Variants in CRB1 observed in about 807,000 individuals in gnomAD.
CRB1 encodes the protein crumbs cell polarity complex component 1, also known as protein crumbs homolog 1.
Under a neutral mutation model 120.0 loss-of-function variants are expected in CRB1, and 83 were observed. That is an observed-to-expected ratio of 0.69 (90% confidence interval 0.58 to 0.83). CRB1 has a LOEUF of 0.83. Ranked by LOEUF, CRB1 falls within the 40% of genes least tolerant of loss-of-function variation. The pLI, the probability that CRB1 is intolerant of heterozygous loss-of-function variation, is 0.00. For synonymous variants in CRB1, 625 were observed against 612.5 expected, an observed-to-expected ratio of 1.02 and a Z score of -0.30; for missense variants, 1,699 against 1,687.6, an observed-to-expected ratio of 1.01 and a Z score of -0.12.
At chr1:197,239,607 T>C in the CRB1 span, among the ~76,000 whole-genome samples, 1 of 151,948 alleles carries the variant, frequency 6.6e-6, no homozygotes, top group East Asian at 1.9e-4. Context: ...AGACAGCATA[T>C]AGTTAGGTCA....
chr1:197,436,175 A>T (rs930840881), intron 9 of CRB1, among the ~76,000 whole-genome samples: 3 of 152,160 alleles, frequency 2.0e-5, no homozygotes, highest in Non-Finnish European at 4.4e-5. Flanking sequence ...AACCTTAACA[A>T]TAACATAGTC....
intron 5 of CRB1, chr1:197,357,248 A>T: frequency 1.7e-6 from 1 of 590,010 alleles, no homozygotes; most frequent in Non-Finnish European, 3.1e-6. Flanking sequence ...TGACATTTTT[A>T]TATGCTATAC....
At chr1:197,323,337 A>G (rs1658311431) in intron 1 of CRB1, among the ~76,000 whole-genome samples, 1 of 152,218 alleles carries the variant, frequency 6.6e-6, no homozygotes, top group Admixed American at 6.5e-5. Flanking sequence ...CCATCATTAT[A>G]TAATTGACAT....
At chr1:197,205,986 G>C in the CRB1 span, among the ~76,000 whole-genome samples, 1 of 151,756 alleles carries the variant, frequency 6.6e-6, no homozygotes, top group South Asian at 2.1e-4. Flanking sequence ...TAACTGGGAG[G>C]GTTGTACATT....
intron 1 of CRB1, among the ~76,000 whole-genome samples, chr1:197,289,373 G>T (rs1656030147): frequency 6.6e-6 from 1 of 151,188 alleles, no homozygotes; most frequent in Admixed American, 6.6e-5. Flanking sequence ...TCTAATTTTG[G>T]TTCCTCTGCA....
intron 5 of CRB1, among the ~76,000 whole-genome samples, chr1:197,419,994 A>G (rs1003636016): frequency 2.6e-5 from 2 of 77,804 alleles, no homozygotes; most frequent in East Asian, 8.0e-4. Flanking sequence ...AACGAAAAAA[A>G]AAAAACAAAC....
intron 6 of CRB1, 90 bp from the exon 7 acceptor site, chr1:197,427,364 A>G (rs771500240): frequency 6.0e-6 from 6 of 1,002,766 alleles, no homozygotes; most frequent in African/African-American, 1.6e-5. Context: ...TGTGTGTGAA[A>G]TGTATAATTT....
At chr1:197,414,173 A>G (rs1663853464) in intron 5 of CRB1, among the ~76,000 whole-genome samples, 1 of 152,208 alleles carries the variant, frequency 6.6e-6, no homozygotes, top group Admixed American at 6.5e-5. Flanking sequence ...GGCTTTAGAT[A>G]ATTTCTACTT....
chr1:197,429,436 C>T lies in CRB1; in HGVS notation c.2677-13C>T, dbSNP rs375534951. The T allele has an allele frequency of 6.2e-7, 1 of 1,613,834 alleles. No individual in the cohort carries two copies. Among genetic ancestry groups the T allele is most frequent in the East Asian group, 2.2e-5 (1 of 44,870 alleles). ...CCAGTGCTTTTTATACCTTTGATTT[C>T]TTTTCTGCTCAGTCCAACCCCTGTC... On this transcript the variant is annotated splice_polypyrimidine_tract_variant and intron_variant, in intron 7 of 11. Transcript: ENST00000367400.
At chr1:197,376,367 T>A (rs1661647043) in intron 5 of CRB1, among the ~76,000 whole-genome samples, 1 of 152,126 alleles carries the variant, frequency 6.6e-6, no homozygotes, top group African/African-American at 2.4e-5. Context: ...TTTTTTTATC[T>A]TCATGAAACC....
At chr1:197,386,082 T>C (rs980270385) in intron 5 of CRB1, among the ~76,000 whole-genome samples, 7 of 152,038 alleles carry the variant, frequency 4.6e-5, no homozygotes, top group Middle Eastern at 3.2e-3. Flanking sequence ...TGTTAGAATT[T>C]ATTCCTGTAC....
chr1:197,444,110 C>G (rs1258404210), intron 11 of CRB1: 2 of 151,972 alleles, frequency 1.3e-5, no homozygotes, highest in African/African-American at 2.4e-5. Context: ...TGAGAATGAC[C>G]AAGGTAAATT....
intron 3 of CRB1, among the ~76,000 whole-genome samples, chr1:197,345,903 C>T (rs929058683): frequency 6.6e-6 from 1 of 151,976 alleles, no homozygotes; most frequent in African/African-American, 2.4e-5. Context: ...AGTTGTACCC[C>T]AATAATGCTC....
chr1:197,203,854 A>T, the CRB1 span, among the ~76,000 whole-genome samples: 1 of 152,120 alleles, frequency 6.6e-6, no homozygotes, highest in South Asian at 2.1e-4. Context: ...TACGTGAATA[A>T]GTTCTTTAGT....
At chr1:197,209,656 G>A in the CRB1 span, among the ~76,000 whole-genome samples, 83 of 152,158 alleles carry the variant, frequency 5.5e-4, no homozygotes, top group Non-Finnish European at 6.5e-4. Flanking sequence ...CCTCTCCTGC[G>A]GTCTTTTCCC....
intron 5 of CRB1, among the ~76,000 whole-genome samples, chr1:197,382,742 A>T (rs1334455859): frequency 6.6e-6 from 1 of 152,236 alleles, no homozygotes; most frequent in Non-Finnish European, 1.5e-5. Flanking sequence ...CATATTCAGC[A>T]AAGATTTATT....
At chr1:197,391,772 G>A (rs1662518003) in intron 5 of CRB1, among the ~76,000 whole-genome samples, 1 of 152,026 alleles carries the variant, frequency 6.6e-6, no homozygotes. Flanking sequence ...AGAGCTGATG[G>A]TGAGTTAGTG....
the CRB1 span, among the ~76,000 whole-genome samples, chr1:197,254,919 C>G: frequency 6.6e-6 from 1 of 152,072 alleles, no homozygotes; most frequent in Non-Finnish European, 1.5e-5. Flanking sequence ...TGGATCTTAT[C>G]TTCAACAGGG....
intron 11 of CRB1, among the ~76,000 whole-genome samples, chr1:197,455,633 T>C (rs1666252058): frequency 1.3e-5 from 2 of 152,190 alleles, no homozygotes; most frequent in Admixed American, 1.3e-4. Flanking sequence ...TAGAAGACTG[T>C]AGGAATTTAC....
Sources: allele counts gnomAD v4.1 joint callset (sites outside exome capture counted in the v4.1 genomes callset), GRCh38; gene constraint gnomAD v4.1.1; transcripts MANE v1.5; gene names NCBI Gene and HGNC (gene_info 2026-07-23, HGNC 2026-07-21).